The following ARL14EPL variants were observed in gnomAD, a reference collection of about 807,000 sequenced individuals.
ARL14EPL encodes ARL14 effector protein-like.
ARL14EPL carries 17 observed loss-of-function variants against 15.9 expected under a neutral mutation model. The observed-to-expected ratio is 1.07, with a 90% confidence interval of 0.73 to 1.60. ARL14EPL has a LOEUF of 1.60. Ranked by LOEUF, ARL14EPL falls within the 40% of genes most tolerant of loss-of-function variation. ARL14EPL has a pLI of 0.00. For synonymous variants in ARL14EPL, 78 were observed against 63.8 expected, an observed-to-expected ratio of 1.22 and a Z score of -1.06; for missense variants, 214 against 185.9, an observed-to-expected ratio of 1.15 and a Z score of -0.88.
intron 2 of ARL14EPL, 99 bp downstream of exon 2, chr5:116,051,660 A>G: frequency 3.0e-6 from 3 of 1,005,324 alleles, no homozygotes; most frequent in Non-Finnish European, 4.3e-6. Context: ...GGGCCCAGGC[A>G]GGACCTCACA....
intron 1 of ARL14EPL, among the ~76,000 whole-genome samples, chr5:116,038,797 A>C (rs1265434223): frequency 6.6e-6 from 1 of 152,212 alleles, no homozygotes; most frequent in Non-Finnish European, 1.5e-5. Flanking sequence ...ACTACTTCTA[A>C]AAAACAAAAT....
At chr5:116,036,932 ATT>A (rs5870684) in intron 1 of ARL14EPL, among the ~76,000 whole-genome samples, 6 of 149,914 alleles carry the variant, frequency 4.0e-5, no homozygotes, top group East Asian at 1.9e-4. Flanking sequence ...GCAATTAAAG[ATT>A]TTTTTTTTTG....
intron 1 of ARL14EPL, among the ~76,000 whole-genome samples, chr5:116,041,742 T>C (rs1466129076): frequency 1.3e-5 from 2 of 152,202 alleles, no homozygotes; most frequent in Non-Finnish European, 2.9e-5. Context: ...TCACTTAGAA[T>C]GTCCTTCTCC....
intron 1 of ARL14EPL, among the ~76,000 whole-genome samples, chr5:116,048,290 G>C (rs1028746599): frequency 2.6e-5 from 4 of 152,084 alleles, no homozygotes; most frequent in Non-Finnish European, 5.9e-5. Flanking sequence ...ATGGCTTCTA[G>C]CCTGCTTGAA....
chr5:116,052,098 T>C, intron 2 of ARL14EPL: 7 of 1,613,412 alleles, frequency 4.3e-6, no homozygotes, highest in Admixed American at 1.7e-5. Flanking sequence ...AGTTTATAGT[T>C]GGGAACTTCC....
intron 1 of ARL14EPL, among the ~76,000 whole-genome samples, chr5:116,044,253 T>C (rs1222210625): frequency 6.6e-6 from 1 of 152,178 alleles, no homozygotes; most frequent in Admixed American, 6.5e-5. Context: ...TACCCTATAA[T>C]TCACGAGTGA....
chr5:116,042,734 A>T (rs147050876), intron 1 of ARL14EPL, among the ~76,000 whole-genome samples: 2 of 152,174 alleles, frequency 1.3e-5, no homozygotes, highest in African/African-American at 4.8e-5. Flanking sequence ...GGATACTTAT[A>T]ACTTCCAAAG....
intron 1 of ARL14EPL, among the ~76,000 whole-genome samples, chr5:116,043,267 C>G (rs1162208596): frequency 1.3e-5 from 2 of 150,090 alleles, no homozygotes; most frequent in East Asian, 4.1e-4. Context: ...CCACTCATAA[C>G]TCATAAGCAT....
intron 3 of ARL14EPL, among the ~76,000 whole-genome samples, chr5:116,056,233 A>G (rs1749513475): frequency 6.6e-6 from 1 of 151,952 alleles, no homozygotes; most frequent in Non-Finnish European, 1.5e-5. Context: ...ACTGACTTCC[A>G]CAAGGGTTGA....
At chr5:116,043,250 G>A (rs997012954) in intron 1 of ARL14EPL, among the ~76,000 whole-genome samples, 2 of 151,598 alleles carry the variant, frequency 1.3e-5, no homozygotes, top group Non-Finnish European at 2.9e-5. Flanking sequence ...GCACCAACCT[G>A]ATAATACCAC....
At chr5:116,033,889 T>C (rs972036327) in intron 1 of ARL14EPL, among the ~76,000 whole-genome samples, 1 of 152,234 alleles carries the variant, frequency 6.6e-6, no homozygotes, top group Non-Finnish European at 1.5e-5. Flanking sequence ...TGTCCTCAGC[T>C]GAACTGCGCT....
At chr5:116,038,661 A>G (rs1322915670) in intron 1 of ARL14EPL, among the ~76,000 whole-genome samples, 1 of 128,256 alleles carries the variant, frequency 7.8e-6, no homozygotes, top group Non-Finnish European at 1.6e-5. Context: ...GACTCAAGGC[A>G]GGGAAACCAG....
At chr5:116,049,516 G>T (rs113998924) in intron 1 of ARL14EPL, among the ~76,000 whole-genome samples, 2,215 of 152,208 alleles carry the variant, frequency 0.015, 50 homozygotes, top group African/African-American at 0.049. Context: ...TTAGAATCAG[G>T]AAGTACCTGT....
chr5:116,035,987 C>T (rs1435695385), intron 1 of ARL14EPL, among the ~76,000 whole-genome samples: 3 of 152,228 alleles, frequency 2.0e-5, no homozygotes, highest in East Asian at 1.9e-4. Flanking sequence ...CAACCTTCCA[C>T]GTCCCTCAAC....
At chr5:116,052,222 T>C in intron 2 of ARL14EPL, 2 of 1,605,692 alleles carry the variant, frequency 1.2e-6, no homozygotes, top group Non-Finnish European at 1.7e-6. Flanking sequence ...ATTTGTTCAC[T>C]GGGTCTTTGT....
rs900248721 is a variant in ARL14EPL, at chr5:116,059,176, G to T, written c.*229G>T. On this transcript the variant is annotated 3_prime_UTR_variant, in exon 4 of 4. Coordinates refer to ENST00000686077, the MANE Select transcript of ARL14EPL (RefSeq NM_001195581.2). ...TGCAACCAAAGAATGTAACAATGGA[G>T]GGATCAGCATTTCTCATCAGCACCC... The T allele has an allele frequency of 1.5e-5, 8 of 521,190 alleles. No homozygotes were observed. The highest frequency in any genetic ancestry group is 3.3e-5 in the Admixed American group (1 of 30,594). The allele number at this position is 521,190 out of a possible 1,614,324, so 32.3% of individuals were successfully genotyped here. A position where few individuals can be genotyped will look rare whatever the true frequency, so the allele number is the denominator to read the frequency against.
At chr5:116,037,321 C>T (rs951404492) in intron 1 of ARL14EPL, among the ~76,000 whole-genome samples, 1 of 152,222 alleles carries the variant, frequency 6.6e-6, no homozygotes, top group Non-Finnish European at 1.5e-5. Context: ...ACCGCATTGA[C>T]ACACAGCTTG....
At chr5:116,038,651 G>T (rs1749092585) in intron 1 of ARL14EPL, among the ~76,000 whole-genome samples, 1 of 138,986 alleles carries the variant, frequency 7.2e-6, no homozygotes, top group Non-Finnish European at 1.5e-5. Context: ...AGATTAAAAA[G>T]ACTCAAGGCA....
chr5:116,052,847 G>T (rs2560696), intron 2 of ARL14EPL, among the ~76,000 whole-genome samples: 86,530 of 151,986 alleles, frequency 0.57, 26,220 homozygotes, highest in Non-Finnish European at 0.7. Context: ...TTTCCAGGTG[G>T]GGTATTTCAT....
Sources: allele counts gnomAD v4.1 joint callset (sites outside exome capture counted in the v4.1 genomes callset), GRCh38; gene constraint gnomAD v4.1.1; transcripts MANE v1.5; gene names NCBI Gene and HGNC (gene_info 2026-07-23, HGNC 2026-07-21).